Variants in PTPRM observed in about 807,000 individuals in gnomAD.
PTPRM encodes the protein protein tyrosine phosphatase receptor type M.
A neutral mutation model predicts 186.7 loss-of-function variants in PTPRM; 47 were observed. The observed-to-expected ratio is 0.25, with a 90% CI of 0.20 to 0.32. The LOEUF (loss-of-function observed/expected upper bound fraction) is 0.32, where lower values mean the gene tolerates loss of function less well. Among genes scored for constraint, PTPRM ranks in the 10% least tolerant of loss-of-function variants. The pLI is 1.00. For synonymous variants in PTPRM, 668 were observed against 674.9 expected (o/e 0.99, Z 0.16); for missense variants, 1,494 against 1,865.0 (o/e 0.80, Z 3.66).
chr18:8,230,213 A>G (rs1358961617), intron 14 of PTPRM, among the ~76,000 whole-genome samples: 1 of 152,216 alleles, frequency 6.6e-6, no homozygotes, highest in Non-Finnish European at 1.5e-5. Flanking sequence ...TTGTCTTAAA[A>G]AAAACTGTTT....
At chr18:7,859,533 C>T (rs1567927712) in intron 2 of PTPRM, among the ~76,000 whole-genome samples, 1 of 152,238 alleles carries the variant, frequency 6.6e-6, no homozygotes, top group Non-Finnish European at 1.5e-5. Context: ...TTCTGAACTT[C>T]AGTGCTCCTA....
In PTPRM at chr18:8,114,681, G is replaced by A. The variant is rs1324789401; in HGVS notation, c.2131-110G>A. The A allele has an allele frequency of 1.9e-5, 17 of 878,804 alleles. No individual in the cohort carries two copies. The East Asian group carries it at 3.7e-4, about 19-fold the overall frequency. The allele number at this position is 878,804 out of a possible 1,614,324, so 54.4% of individuals were successfully genotyped here. A position where few individuals can be genotyped will look rare whatever the true frequency, so the allele number is the denominator to read the frequency against. ...TGCTGTGTGATTAAAGACACGCTCA[G>A]AACAGTGAGATCCTTCCTTATCAGT... On this transcript the variant is annotated intron_variant, in intron 12 of 32. Transcript: ENST00000580170.
chr18:8,204,358 G>A (rs2093897332), intron 14 of PTPRM, among the ~76,000 whole-genome samples: 1 of 152,110 alleles, frequency 6.6e-6, no homozygotes, highest in Non-Finnish European at 1.5e-5. Flanking sequence ...ACATTTTGAA[G>A]TAAAATAGGC....
At chr18:8,277,083 C>T (rs899005317) in intron 19 of PTPRM, among the ~76,000 whole-genome samples, 2 of 152,096 alleles carry the variant, frequency 1.3e-5, no homozygotes, top group African/African-American at 4.8e-5. Context: ...ACTACGGGCA[C>T]CTACCACCAT....
At chr18:7,994,717 C>T (rs1027234254) in intron 7 of PTPRM, among the ~76,000 whole-genome samples, 27 of 151,810 alleles carry the variant, frequency 1.8e-4, no homozygotes, top group African/African-American at 5.8e-4. Flanking sequence ...TAATATGCTC[C>T]TGAATGATAA....
chr18:7,701,773 T>C (rs1457418121), intron 1 of PTPRM, among the ~76,000 whole-genome samples: 1 of 152,114 alleles, frequency 6.6e-6, no homozygotes, highest in Non-Finnish European at 1.5e-5. Flanking sequence ...GTTTGTTACA[T>C]AGGTATACAC....
At chr18:7,909,737 T>C (rs1386691550) in intron 4 of PTPRM, among the ~76,000 whole-genome samples, 2 of 109,690 alleles carry the variant, frequency 1.8e-5, no homozygotes, top group Non-Finnish European at 3.9e-5. Flanking sequence ...TTTGGATTCA[T>C]ATAGGTTTAT....
chr18:8,237,431 ATTTTTTTTTTTTTTTTT>A (rs59073560), intron 14 of PTPRM, among the ~76,000 whole-genome samples: 53 of 71,676 alleles, frequency 7.4e-4, no homozygotes, highest in African/African-American at 2.4e-3. Flanking sequence ...GATTCCCTCA[ATTTTTTTTTTTTTTTTT>A]TTTTTTTTTT....
chr18:8,317,003 C>T (rs2095313059), intron 21 of PTPRM, among the ~76,000 whole-genome samples: 1 of 152,092 alleles, frequency 6.6e-6, no homozygotes, highest in Non-Finnish European at 1.5e-5. Flanking sequence ...CTGCGGAGTT[C>T]CATGATATGG....
Position 7,666,523 on chromosome 18 carries a change from C to T in PTPRM, c.73+98632C>T, listed in dbSNP as rs567543118. Among the ~76,000 whole-genome samples, 5 of 152,194 alleles carry T rather than the reference C, an allele frequency of 3.3e-5. No homozygotes were observed. In the South Asian group the frequency reaches 6.2e-4, roughly 19 times the overall value. ...TTAATAGAAAGACACCAGCGTCTGA[C>T]GAGTCTTCACAGTACTTTGTCCCAA... On this transcript the variant is annotated intron_variant, in intron 1 of 32. Coordinates refer to ENST00000580170, the MANE Select transcript of PTPRM (RefSeq NM_001105244.2).
intron 1 of PTPRM, among the ~76,000 whole-genome samples, chr18:7,728,802 A>G (rs550388671): frequency 6.6e-5 from 10 of 152,216 alleles, no homozygotes; most frequent in Non-Finnish European, 1.2e-4. Context: ...AACAGAAATA[A>G]TTAATCTGTG....
intron 1 of PTPRM, among the ~76,000 whole-genome samples, chr18:7,755,801 C>T (rs918373136): frequency 6.6e-6 from 1 of 152,172 alleles, no homozygotes; most frequent in Non-Finnish European, 1.5e-5. Flanking sequence ...CTGCTGCTCG[C>T]TGTGCGGGCA....
chr18:7,809,210 G>A (rs1203161956), intron 2 of PTPRM, among the ~76,000 whole-genome samples: 4 of 152,106 alleles, frequency 2.6e-5, no homozygotes, highest in African/African-American at 9.7e-5. Context: ...ATGCCGGTAG[G>A]AGGCGGCAGG....
intron 1 of PTPRM, among the ~76,000 whole-genome samples, chr18:7,595,928 C>A (rs1052633198): frequency 6.6e-6 from 1 of 152,172 alleles, no homozygotes; most frequent in African/African-American, 2.4e-5. Context: ...ATATCCACAC[C>A]TCTGAAAGAT....
At position 8,334,643 on chromosome 18, in the gene PTPRM, T is replaced by C. The variant is rs573282837; in HGVS notation, c.2957-8780T>C. On this transcript the variant is annotated intron_variant, in intron 22 of 32. Coordinates refer to ENST00000580170, the MANE Select transcript of PTPRM (RefSeq NM_001105244.2). ...ATAATAATTGTAAAATTATAAAATA[T>C]GTTTAAACTTTGCCTCTCATTAATC... 4.6e-5 allele frequency among the ~76,000 whole-genome samples: 7 copies of C among 152,372 alleles called. No homozygotes were observed. In the East Asian group the frequency reaches 9.6e-4, roughly 21 times the overall value.
At chr18:7,622,507 T>C (rs895361724) in intron 1 of PTPRM, among the ~76,000 whole-genome samples, 2 of 152,124 alleles carry the variant, frequency 1.3e-5, no homozygotes, top group African/African-American at 4.8e-5. Context: ...AACAGGGCTC[T>C]TGTCTGTATG....
intron 14 of PTPRM, among the ~76,000 whole-genome samples, chr18:8,191,563 G>A (rs2093710092): frequency 6.6e-6 from 1 of 152,156 alleles, no homozygotes; most frequent in Admixed American, 6.5e-5. Context: ...AACGAAAAAG[G>A]GGGTATGAGT....
chr18:7,903,131 A>G (rs2049788662), intron 3 of PTPRM, among the ~76,000 whole-genome samples: 1 of 152,242 alleles, frequency 6.6e-6, no homozygotes, highest in South Asian at 2.1e-4. Flanking sequence ...TATCCATGAT[A>G]TATTCCAAGT....
intron 32 of PTPRM, 97 bp from the exon 33 acceptor site, chr18:8,406,012 G>T: frequency 9.6e-7 from 1 of 1,042,348 alleles, no homozygotes; most frequent in South Asian, 1.3e-5. Flanking sequence ...CTCCCAGATT[G>T]ATGTCTTCCC....
Sources: gnomAD v4.1 joint callset for allele counts (sites outside exome capture counted in the v4.1 genomes callset) on GRCh38, gnomAD v4.1.1 for gene constraint, MANE v1.5 for transcripts, NCBI Gene and HGNC (gene_info 2026-07-23, HGNC 2026-07-21) for gene names.